The following PI16 variants were observed in gnomAD, a reference collection of about 807,000 sequenced individuals.
PI16 encodes the protein PSP94-binding protein.
PI16 carries 35 observed loss-of-function variants against 38.0 expected under a neutral mutation model. The observed-to-expected ratio is 0.92, with a 90% CI of 0.70 to 1.22. PI16 has a LOEUF of 1.22. Ranked by LOEUF, PI16 falls within the 50% of genes most tolerant of loss-of-function variation. The pLI is 0.00. For missense variants in PI16, 572 were observed against 593.8 expected, an observed-to-expected ratio of 0.96 and a Z score of 0.38; for synonymous variants, 275 against 252.9, an observed-to-expected ratio of 1.09 and a Z score of -0.83.
chr6:36,963,209 T>G lies in PI16; in HGVS notation c.867T>G (p.Pro289=), dbSNP rs1763420854. 4 of 1,614,226 alleles carry G rather than the reference T, an allele frequency of 2.5e-6. No homozygotes were observed. The highest frequency in any genetic ancestry group is 3.4e-6 in the Non-Finnish European group (4 of 1,180,038). ...CACCTTGCGTAACAACTGAGGTCCC[T>G]TCCATTTTGGCAGCTCACAGCCTGC... is the stretch of plus-strand genomic sequence containing the variant. ...EAPPCVTTEV[P]SILAAHSLPS... Residue 289 remains proline (P), a synonymous_variant, in exon 5 of 7, where the codon CCT becomes CCG. Coordinates refer to ENST00000373674, the MANE Select transcript of PI16 (RefSeq NM_153370.3).
At chr6:36,960,320 A>C (rs1763323610) in intron 2 of PI16, among the ~76,000 whole-genome samples, 1 of 106,556 alleles carries the variant, frequency 9.4e-6, no homozygotes, top group African/African-American at 3.5e-5. Context: ...GGGCTTGCAG[A>C]TAAGATGTGT....
At chr6:36,948,419 T>G (rs1179879007) in intron 1 of PI16, 1 of 152,224 alleles carries the variant, frequency 6.6e-6, no homozygotes, top group Admixed American at 6.5e-5. Context: ...GCACTTTAAT[T>G]CCTTGGGAAG....
chr6:36,954,082 C>T (rs1354110661), upstream of PI16, among the ~76,000 whole-genome samples: 1 of 152,214 alleles, frequency 6.6e-6, no homozygotes, highest in Non-Finnish European at 1.5e-5. Flanking sequence ...GGCTGGTAGC[C>T]TGCTAAGGCC....
chr6:36,963,919 C>T lies in PI16; in HGVS notation c.1367C>T (p.Pro456Leu), dbSNP rs942174539. 9 of 1,613,676 alleles carry T rather than the reference C, an allele frequency of 5.6e-6. No individual in the cohort carries two copies. Among genetic ancestry groups the T allele is most frequent in the South Asian group, 2.2e-5 (2 of 91,040 alleles). ...GPLLGLLLLP[P>L]LVLAGIF is the part of the protein sequence containing the mutation. ...CTCCTGGGACTACTGCTCCTGCCTC[C>T]TCTGGTGTTGGCTGGAATCTTCTGA... is the stretch of plus-strand genomic sequence containing the variant. The change falls in exon 6 of 7, where the codon CCT becomes CTT. Residue 456 changes from proline (P) to leucine (L), a missense_variant. By Grantham distance (98) the Pro-to-Leu change is moderately conservative. Coordinates refer to ENST00000373674, the MANE Select transcript of PI16 (RefSeq NM_153370.3).
upstream of PI16, among the ~76,000 whole-genome samples, chr6:36,950,168 T>C (rs534522524): frequency 6.6e-6 from 1 of 152,308 alleles, no homozygotes; most frequent in East Asian, 1.9e-4. The surrounding 1 kb of genome is among the most constrained non-coding windows in gnomAD (Gnocchi z 4.2). Context: ...ACCAAACCTC[T>C]ACACCACTAA....
intron 1 of PI16, among the ~76,000 whole-genome samples, chr6:36,957,876 G>GC (rs1763247606): frequency 6.6e-6 from 1 of 152,212 alleles, no homozygotes; most frequent in African/African-American, 2.4e-5. Flanking sequence ...TTACAGTCCA[G>GC]CCCGGCACCT....
Position 36,954,836 on chromosome 6 carries a change from G to A in PI16, c.76G>A (p.Gly26Arg). 1 of 1,614,000 alleles carries A rather than the reference G, an allele frequency of 6.2e-7. No homozygotes were observed. The highest frequency in any genetic ancestry group is 2.2e-5 in the East Asian group (1 of 44,870). ...LLLVATTGPV[G>R]ALTDEEKRLM... is the part of the protein sequence containing the mutation. ...GCTGGTGGCCACCACAGGCCCCGTT[G>A]GAGCCCTCACAGATGAGGAGAAACG... The change falls in exon 1 of 7, where the codon GGA becomes AGA. Residue 26 changes from glycine (G) to arginine (R), a missense_variant. Transcript: ENST00000373674.
rs1428427587 is a variant in PI16, at chr6:36,962,324, A to T, written c.592+350A>T. ...CAGAAGGCTTCAAACGGGCGAGGCC[A>T]GTCTTGCTGGGGGCGTGTGAGGGAC... On this transcript the variant is annotated intron_variant, in intron 4 of 6. Transcript: ENST00000373674. The surrounding 1 kb of genome is among the most constrained non-coding windows in gnomAD (Gnocchi z 4.1). 6.6e-6 allele frequency among the ~76,000 whole-genome samples: 1 copy of T among 152,162 alleles called. No individual in the cohort carries two copies. The highest frequency in any genetic ancestry group is 1.5e-5 in the Non-Finnish European group (1 of 68,030).
chr6:36,960,441 C>G (rs1366159944), intron 2 of PI16, among the ~76,000 whole-genome samples: 2 of 151,442 alleles, frequency 1.3e-5, no homozygotes, highest in Non-Finnish European at 1.5e-5. Context: ...AATAACATGA[C>G]AAACAAAAGA....
chr6:36,961,392 C>G lies in PI16; in HGVS notation c.394-59C>G, dbSNP rs528463493. 4.9e-5 allele frequency: 72 copies of G among 1,463,854 alleles called. No homozygotes were observed. The African/African-American group carries it at 9.0e-4, about 18-fold the overall frequency. 90.7% of individuals were successfully genotyped at this position (1,463,854 alleles called of 1,614,324 possible). ...CCTGTAAGGCAGGTGTAGTGGGATG[C>G]CAGGAAGGCACCATGCCACCTCGCA... On this transcript the variant is annotated intron_variant, in intron 2 of 6. Transcript: ENST00000373674.
At chr6:36,955,863 A>G (rs1297868212) in intron 1 of PI16, among the ~76,000 whole-genome samples, 1 of 152,128 alleles carries the variant, frequency 6.6e-6, no homozygotes, top group Non-Finnish European at 1.5e-5. Context: ...AAGGAGATAA[A>G]GTGAGAAATT....
rs768801242 is a variant in PI16 at position 36,959,256 on chromosome 6, G to A, written c.283G>A (p.Glu95Lys). Residue 95 changes from glutamate to lysine, a missense_variant, in exon 2 of 7, where the codon GAG becomes AAG. Coordinates refer to ENST00000373674, the MANE Select transcript of PI16 (RefSeq NM_153370.3). ...CGAGAATCTGTTCGCCATCACAGAC[G>A]AGGGCATGGACGTGCCGCTGGCCAT... ...RGENLFAITDEGMDVPLAMEE... is the reference protein window; with the variant it reads ...RGENLFAITDKGMDVPLAMEE... 5.6e-6 allele frequency: 9 copies of A among 1,606,446 alleles called. No homozygotes were observed. The Admixed American group carries it at 1.2e-4, about 21-fold the overall frequency.
chr6:36,963,911 C>T lies in PI16; in HGVS notation c.1359C>T (p.Leu453=). Residue 453 remains leucine, a synonymous_variant, in exon 6 of 7, where the codon CTC becomes CTT. Transcript: ENST00000373674. ...GGGGCCCTCTCCTGGGACTACTGCT[C>T]CTGCCTCCTCTGGTGTTGGCTGGAA... ...HVWGPLLGLL[L]LPPLVLAGIF is the part of the protein sequence containing the mutation. 1 of 1,613,834 alleles carries T rather than the reference C, an allele frequency of 6.2e-7. No homozygotes were observed. Among genetic ancestry groups the T allele is most frequent in the Middle Eastern group, 1.7e-4 (1 of 6,060 alleles).
At chr6:36,961,604 C>G (rs1264063103) in intron 3 of PI16, 44 bp downstream of exon 3, 1 of 1,568,958 alleles carries the variant, frequency 6.4e-7, no homozygotes, top group Non-Finnish European at 8.8e-7. Context: ...GGGGAAGGCA[C>G]AGGCAGAGCC....
intron 1 of PI16, among the ~76,000 whole-genome samples, chr6:36,958,603 G>A (rs2150736237): frequency 6.6e-6 from 1 of 152,162 alleles, no homozygotes; most frequent in African/African-American, 2.4e-5. Flanking sequence ...TGGGGCGGGA[G>A]CCTGCAGAGG....
At position 36,959,170 on chromosome 6, in the gene PI16, T is replaced by A; in HGVS notation, c.197T>A (p.Phe66Tyr). The A allele has an allele frequency of 6.2e-7, 1 of 1,610,318 alleles. No individual in the cohort carries two copies. The highest frequency in any genetic ancestry group is 8.5e-7 in the Non-Finnish European group (1 of 1,179,010). ...AGATGGGACGAGGAGCTGGCCGCCT[T>A]CGCCAAGGCCTACGCACGGCAGTGC... ...HMRWDEELAAFAKAYARQCVW... is the reference protein window; with the variant it reads ...HMRWDEELAAYAKAYARQCVW... Residue 66 changes from phenylalanine (F) to tyrosine (Y), a missense_variant, in exon 2 of 7, where the codon TTC becomes TAC. Transcript: ENST00000373674.
chr6:36,949,727 A>G (rs547252410), intron 1 of PI16, among the ~76,000 whole-genome samples: 2 of 152,164 alleles, frequency 1.3e-5, no homozygotes, highest in Admixed American at 1.3e-4. Context: ...ATTTATTTGC[A>G]TATTCATTGT....
chr6:36,960,247 G>T (rs1763321924), intron 2 of PI16, among the ~76,000 whole-genome samples: 1 of 151,932 alleles, frequency 6.6e-6, no homozygotes, highest in Admixed American at 6.6e-5. Flanking sequence ...ATTTCTGATA[G>T]AATTTCCTGC....
intron 2 of PI16, among the ~76,000 whole-genome samples, chr6:36,960,622 C>G (rs1763335024): frequency 6.7e-6 from 1 of 148,456 alleles, no homozygotes. Flanking sequence ...CTGGATCCTG[C>G]CACCCCTCCC....
Sources: gnomAD v4.1 joint callset for allele counts (sites outside exome capture counted in the v4.1 genomes callset) on GRCh38, gnomAD v4.1.1 for gene constraint, Gnocchi (gnomAD v3.1) non-coding constraint, MANE v1.5 for transcripts, NCBI Gene and HGNC (gene_info 2026-07-23, HGNC 2026-07-21) for gene names.